Variants in RAB6A observed in about 807,000 individuals in gnomAD.
RAB6A encodes ras-related protein Rab-6A.
RAB6A carries 8 observed loss-of-function variants against 32.3 expected under a neutral mutation model. The ratio of observed to expected loss-of-function variants is 0.25; its 90% CI spans 0.15 to 0.45. The LOEUF (loss-of-function observed/expected upper bound fraction) is 0.45, where lower values mean the gene tolerates loss of function less well. Ranked by LOEUF, RAB6A falls within the 20% of genes least tolerant of loss-of-function variation. RAB6A has a pLI of 1.00. For synonymous variants in RAB6A, 73 were observed against 82.1 expected, an observed-to-expected ratio of 0.89 and a Z score of 0.60; for missense variants, 104 against 249.4, an observed-to-expected ratio of 0.42 and a Z score of 3.93.
chr11:73,744,190 T>C (rs1946542742), intron 1 of RAB6A, among the ~76,000 whole-genome samples: 1 of 151,396 alleles, frequency 6.6e-6, no homozygotes, highest in Non-Finnish European at 1.5e-5. Flanking sequence ...TACAAAAAAT[T>C]AGCCGGGCAT....
chr11:73,677,323 AGT>A lies in RAB6A; in HGVS notation c.*573_*574del, dbSNP rs1189920771. On this transcript the variant is annotated 3_prime_UTR_variant, in exon 8 of 8. Coordinates refer to ENST00000336083, the MANE Select transcript of RAB6A (RefSeq NM_198896.2). Reference sequence around the variant, plus strand: ...CTCAAAGAAGACCGTAATTTATATCAGTGCTCAAGAATAATTTTGGACATCTT... The same window carrying A: ...CTCAAAGAAGACCGTAATTTATATCAGCTCAAGAATAATTTTGGACATCTT... The A allele has an allele frequency of 5.9e-6, 1 of 169,212 alleles. No individual in the cohort carries two copies. The highest frequency in any genetic ancestry group is 2.4e-5 in the African/African-American group (1 of 41,514). 10.5% of individuals were successfully genotyped at this position (169,212 alleles called of 1,614,324 possible).
At chr11:73,757,641 TTCAGG>T (rs1410731690) in intron 1 of RAB6A, among the ~76,000 whole-genome samples, 20 of 152,284 alleles carry the variant, frequency 1.3e-4, no homozygotes, top group African/African-American at 4.8e-4. Flanking sequence ...AAGTACAAAA[TTCAGG>T]TCAGTCCTAT....
intron 3 of RAB6A, among the ~76,000 whole-genome samples, chr11:73,720,289 T>C (rs1483938785): frequency 6.6e-6 from 1 of 151,484 alleles, no homozygotes; most frequent in Non-Finnish European, 1.5e-5. Context: ...CAAGCGATTC[T>C]CCTGCCTCAG....
At chr11:73,722,330 TATATATATA>T (rs1324503511) in intron 2 of RAB6A, 12 of 11,490 alleles carry the variant, frequency 1.0e-3, no homozygotes, top group African/African-American at 3.7e-3. Context: ...TATATATATA[TATATATATA>T]TATATTTTTT....
intron 5 of RAB6A, among the ~76,000 whole-genome samples, chr11:73,713,386 C>T (rs531843658): frequency 2.0e-5 from 3 of 152,178 alleles, no homozygotes; most frequent in South Asian, 2.1e-4. Flanking sequence ...CTGGCTAACA[C>T]GGTGAAACCC....
intron 3 of RAB6A, among the ~76,000 whole-genome samples, chr11:73,720,366 G>C (rs952812636): frequency 6.6e-6 from 1 of 151,592 alleles, no homozygotes; most frequent in African/African-American, 2.4e-5. Flanking sequence ...ATTTTTAATA[G>C]AGATGGGGTT....
At chr11:73,685,204 T>C (rs1446512845) in intron 6 of RAB6A, among the ~76,000 whole-genome samples, 2 of 152,044 alleles carry the variant, frequency 1.3e-5, no homozygotes, top group African/African-American at 2.4e-5. Flanking sequence ...AATAATAGTA[T>C]ACTTGCCTGA....
At chr11:73,686,991 ATATATAT>A (rs1354919086) in intron 6 of RAB6A, among the ~76,000 whole-genome samples, 16 of 151,820 alleles carry the variant, frequency 1.1e-4, no homozygotes, top group African/African-American at 3.6e-4. Flanking sequence ...ATATATGTAA[ATATATAT>A]TATATATTAT....
chr11:73,736,800 AAAAAAAAAG>A (rs1238866408), intron 1 of RAB6A, among the ~76,000 whole-genome samples: 86 of 52,906 alleles, frequency 1.6e-3, no homozygotes, highest in African/African-American at 4.3e-3. Context: ...TCGAGAAAGA[AAAAAAAAAG>A]AAAAAAAAAA....
At chr11:73,739,280 A>ATATATAT (rs1389085059) in intron 1 of RAB6A, among the ~76,000 whole-genome samples, 10 of 18,418 alleles carry the variant, frequency 5.4e-4, no homozygotes, top group African/African-American at 1.2e-3. Context: ...AAAAAAAAAA[A>ATATATAT]AAAAATATAT....
intron 1 of RAB6A, among the ~76,000 whole-genome samples, chr11:73,744,164 C>A (rs991801359): frequency 1.3e-5 from 2 of 151,736 alleles, no homozygotes; most frequent in Non-Finnish European, 2.9e-5. Context: ...CAGTGAAACC[C>A]TGTCTCTACT....
At chr11:73,739,127 G>GTGTGGTGGCGCATGCCTGTAAT (rs1423180335) in intron 1 of RAB6A, among the ~76,000 whole-genome samples, 17 of 148,054 alleles carry the variant, frequency 1.1e-4, no homozygotes, top group African/African-American at 4.0e-4. Flanking sequence ...AATTAGGCAG[G>GTGTGGTGGCGCATGCCTGTAAT]TCTAGTACTC....
chr11:73,756,126 G>A (rs1016572950), intron 1 of RAB6A, among the ~76,000 whole-genome samples: 7 of 152,200 alleles, frequency 4.6e-5, no homozygotes, highest in African/African-American at 1.7e-4. Flanking sequence ...GCTGAGGCCG[G>A]AGGATCTCGC....
chr11:73,750,651 C>T (rs1222519303), intron 1 of RAB6A, among the ~76,000 whole-genome samples: 1 of 152,174 alleles, frequency 6.6e-6, no homozygotes, highest in Non-Finnish European at 1.5e-5. Flanking sequence ...GCCCCCATAC[C>T]AGGCCAAGAT....
intron 1 of RAB6A, among the ~76,000 whole-genome samples, chr11:73,754,423 C>T (rs1665336596): frequency 6.6e-6 from 1 of 152,226 alleles, no homozygotes; most frequent in Non-Finnish European, 1.5e-5. Flanking sequence ...GAATTTTTCA[C>T]TCTTACTCTC....
chr11:73,705,116 G>A (rs1284969961), intron 6 of RAB6A, among the ~76,000 whole-genome samples: 2 of 152,188 alleles, frequency 1.3e-5, no homozygotes, highest in African/African-American at 4.8e-5. Flanking sequence ...TAATTCTAGA[G>A]TTTCTAAACC....
chr11:73,692,284 C>A (rs957533304), intron 6 of RAB6A, among the ~76,000 whole-genome samples: 1 of 151,364 alleles, frequency 6.6e-6, no homozygotes, highest in Non-Finnish European at 1.5e-5. Context: ...GTGGGCGGAT[C>A]ATGAGGTCAG....
At chr11:73,707,125 G>GAAAAAA (rs397744539) in intron 6 of RAB6A, among the ~76,000 whole-genome samples, 9 of 116,228 alleles carry the variant, frequency 7.7e-5, no homozygotes, top group Admixed American at 1.8e-4. Flanking sequence ...TCTCAAAAAA[G>GAAAAAA]AAAAAAAAAA....
chr11:73,733,185 TTTG>T (rs1057246941), intron 1 of RAB6A, among the ~76,000 whole-genome samples: 11 of 152,166 alleles, frequency 7.2e-5, no homozygotes, highest in African/African-American at 2.4e-4. Flanking sequence ...CATTGATTTT[TTTG>T]TTGTTGTTGT....
Sources: gnomAD v4.1 joint callset for allele counts (sites outside exome capture counted in the v4.1 genomes callset) on GRCh38, gnomAD v4.1.1 for gene constraint, MANE v1.5 for transcripts, NCBI Gene and HGNC (gene_info 2026-07-23, HGNC 2026-07-21) for gene names.